The following ATXN1 variants were observed in gnomAD, a reference collection of about 807,000 sequenced individuals.
ATXN1 encodes the protein ataxin 1.
ATXN1 carries 8 observed loss-of-function variants against 56.4 expected under a neutral mutation model. The ratio of observed to expected loss-of-function variants is 0.14; its 90% confidence interval spans 0.08 to 0.26. The LOEUF is 0.26. Ranked by LOEUF, ATXN1 falls within the 10% of genes least tolerant of loss-of-function variation. The pLI is 1.00. For synonymous variants in ATXN1, 514 were observed against 494.6 expected (o/e 1.04, Z -0.52); for missense variants, 987 against 1,106.5 (o/e 0.89, Z 1.53).
At chr6:16,663,188 C>CT (rs1758357559) in intron 2 of ATXN1, among the ~76,000 whole-genome samples, 1 of 151,886 alleles carries the variant, frequency 6.6e-6, no homozygotes, top group East Asian at 1.9e-4. Context: ...AGGCTGGTCT[C>CT]TAACTCCTGA....
At chr6:16,423,385 A>C (rs909387365) in intron 6 of ATXN1, among the ~76,000 whole-genome samples, 1 of 152,192 alleles carries the variant, frequency 6.6e-6, no homozygotes, top group Non-Finnish European at 1.5e-5. Flanking sequence ...AAGCCCCCTG[A>C]ACTGGGTCCT....
rs1271880222 is a variant in ATXN1, at chr6:16,327,576, G to C, written c.735C>G (p.Asn245Lys). The C allele has an allele frequency of 1.2e-6, 2 of 1,600,916 alleles. No homozygotes were observed. The highest frequency in any genetic ancestry group is 1.7e-6 in the Non-Finnish European group (2 of 1,174,280). Residue 245 changes from asparagine to lysine, a missense_variant, in exon 7 of 8, where the codon AAC becomes AAG. Physicochemically the swap from Asn to Lys is moderately conservative, Grantham distance 94 (BLOSUM62 0). Coordinates refer to ENST00000436367, the MANE Select transcript of ATXN1 (RefSeq NM_001128164.2). The part of the protein sequence containing the change: ...TPGSPPPAQQ[N>K]QYVHISSSPQ... ...GAGAACTGGAAATGTGGACGTACTG[G>C]TTCTGCTGGGCTGGTGGGGGGGACC...
chr6:16,659,220 G>A lies in ATXN1; in HGVS notation c.-614-1319C>T, dbSNP rs564340391. On this transcript the variant is annotated intron_variant, in intron 2 of 7. Transcript: ENST00000436367. ...TGGCAAAAGCCTTTTTTATTTTTTG[G>A]ATGCTATCAGTACCCACAGAAAATG... Among the ~76,000 whole-genome samples, 13 of 152,192 alleles carry A rather than the reference G, an allele frequency of 8.5e-5. No individual in the cohort carries two copies. The East Asian group carries it at 2.5e-3, about 29-fold the overall frequency.
chr6:16,657,733 G>A (rs1455135819), intron 3 of ATXN1, 43 bp downstream of exon 3: 1 of 152,188 alleles, frequency 6.6e-6, no homozygotes, highest in Non-Finnish European at 1.5e-5. Flanking sequence ...GATGCCCGAT[G>A]ACATTTAAAG....
chr6:16,684,530 A>T (rs1477882025), intron 2 of ATXN1, among the ~76,000 whole-genome samples: 1 of 152,100 alleles, frequency 6.6e-6, no homozygotes, highest in Non-Finnish European at 1.5e-5. Context: ...CTGAAGCCAC[A>T]TTTGAAAACC....
chr6:16,315,832 T>C (rs1224931475), intron 7 of ATXN1, among the ~76,000 whole-genome samples: 3 of 152,054 alleles, frequency 2.0e-5, no homozygotes, highest in African/African-American at 7.2e-5. Flanking sequence ...CCAGCTAATG[T>C]TTTGTTGGTG....
rs1391300168 is a variant in ATXN1 at position 16,433,148 on chromosome 6, A to T, written c.-161+52824T>A. On this transcript the variant is annotated intron_variant, in intron 6 of 7. Coordinates refer to ENST00000436367, the MANE Select transcript of ATXN1 (RefSeq NM_001128164.2). ...TGAAGAAATCTTTTAAAAATCTATA[A>T]ATATTTAAATATTAGTTACATAGTA... is the stretch of plus-strand genomic sequence containing the variant. 3 of 152,162 alleles carry T rather than the reference A, an allele frequency of 2.0e-5. No individual in the cohort carries two copies. In the East Asian group the frequency reaches 5.8e-4, roughly 29 times the overall value. 9.4% of individuals were successfully genotyped at this position (152,162 alleles called of 1,614,324 possible). A position where few individuals can be genotyped will look rare whatever the true frequency, so the allele number is the denominator to read the frequency against.
intron 6 of ATXN1, among the ~76,000 whole-genome samples, chr6:16,362,805 AC>A (rs1291708220): frequency 2.0e-5 from 3 of 152,146 alleles, no homozygotes; most frequent in Non-Finnish European, 2.9e-5. Context: ...TAAATCTCCC[AC>A]CCACTCATGT....
chr6:16,677,358 G>A (rs1561804514), intron 2 of ATXN1, among the ~76,000 whole-genome samples: 1 of 152,110 alleles, frequency 6.6e-6, no homozygotes, highest in Non-Finnish European at 1.5e-5. Flanking sequence ...AGAGGACAGG[G>A]AGGCATACAA....
intron 6 of ATXN1, among the ~76,000 whole-genome samples, chr6:16,396,517 C>T (rs1004947801): frequency 6.6e-6 from 1 of 152,064 alleles, no homozygotes; most frequent in African/African-American, 2.4e-5. Flanking sequence ...TGAAAGTTAT[C>T]AAAAAGTTTT....
At chr6:16,383,228 G>A (rs1351904489) in intron 6 of ATXN1, among the ~76,000 whole-genome samples, 1 of 152,122 alleles carries the variant, frequency 6.6e-6, no homozygotes, top group African/African-American at 2.4e-5. Context: ...AAAGAGAATT[G>A]TAAATGTTTA....
At chr6:16,346,063 T>C (rs1382651791) in intron 6 of ATXN1, among the ~76,000 whole-genome samples, 1 of 151,980 alleles carries the variant, frequency 6.6e-6, no homozygotes, top group Non-Finnish European at 1.5e-5. Context: ...ATTCTTTTAA[T>C]TATTTATTTA....
At chr6:16,753,426 TTAAGTGTCTATGCACCGAAA>T (rs1291245506) in intron 1 of ATXN1, 79 bp from the exon 2 acceptor site, 8 of 447,792 alleles carry the variant, frequency 1.8e-5, no homozygotes, top group African/African-American at 1.6e-4. Flanking sequence ...TAAGTCCACC[TTAAGTGTCTATGCACCGAAA>T]TACAAATTTT....
intron 3 of ATXN1, among the ~76,000 whole-genome samples, chr6:16,596,071 A>G (rs370725302): frequency 1.3e-4 from 20 of 152,288 alleles, no homozygotes; most frequent in African/African-American, 4.8e-4. Flanking sequence ...ATCATAGCTC[A>G]CTGCAGCCTC....
chr6:16,686,755 A>T (rs1758927494), intron 2 of ATXN1, among the ~76,000 whole-genome samples: 1 of 152,220 alleles, frequency 6.6e-6, no homozygotes, highest in African/African-American at 2.4e-5. Context: ...TACACTTTTT[A>T]AAAATACAGT....
At chr6:16,647,052 T>C (rs1449617461) in intron 3 of ATXN1, among the ~76,000 whole-genome samples, 1 of 152,216 alleles carries the variant, frequency 6.6e-6, no homozygotes, top group African/African-American at 2.4e-5. Context: ...TCACCCAGGC[T>C]GGAATGCAGT....
intron 5 of ATXN1, among the ~76,000 whole-genome samples, chr6:16,496,890 T>C (rs1050638802): frequency 2.0e-5 from 3 of 152,090 alleles, no homozygotes; most frequent in African/African-American, 4.8e-5. Context: ...AATAACAGGA[T>C]TTCTCCCCTC....
At chr6:16,705,804 T>C (rs1294762500) in intron 2 of ATXN1, among the ~76,000 whole-genome samples, 3 of 152,164 alleles carry the variant, frequency 2.0e-5, no homozygotes, top group African/African-American at 7.2e-5. Flanking sequence ...CCTGGATTTC[T>C]ACAACTGCTT....
intron 4 of ATXN1, among the ~76,000 whole-genome samples, chr6:16,577,980 T>C (rs1455261651): frequency 6.6e-6 from 1 of 152,218 alleles, no homozygotes; most frequent in Non-Finnish European, 1.5e-5. Flanking sequence ...AGCTGATAAG[T>C]TGCAGAACTG....
Sources: gnomAD v4.1 joint callset for allele counts (sites outside exome capture counted in the v4.1 genomes callset) on GRCh38, gnomAD v4.1.1 for gene constraint, MANE v1.5 for transcripts, NCBI Gene and HGNC (gene_info 2026-07-23, HGNC 2026-07-21) for gene names.